Variants in VAV3 observed in about 807,000 individuals in gnomAD.
VAV3 encodes the protein vav guanine nucleotide exchange factor 3.
VAV3 carries 94 observed loss-of-function variants against 131.2 expected under a neutral mutation model. The observed-to-expected ratio is 0.72, with a 90% CI of 0.61 to 0.85. VAV3 has a LOEUF of 0.85. Ranked by LOEUF, VAV3 falls within the 40% of genes least tolerant of loss-of-function variation. The pLI is 0.00. For missense variants in VAV3, 939 were observed against 1,002.7 expected (o/e 0.94, Z 0.86); for synonymous variants, 349 against 342.0 (o/e 1.02, Z -0.22).
chr1:107,615,854 C>T (rs936143756), intron 21 of VAV3, among the ~76,000 whole-genome samples: 2 of 152,048 alleles, frequency 1.3e-5, no homozygotes, highest in Non-Finnish European at 2.9e-5. Context: ...AAAAAATGCT[C>T]AATTTTACTA....
At chr1:107,797,769 A>G (rs918687805) in intron 2 of VAV3, among the ~76,000 whole-genome samples, 1 of 152,148 alleles carries the variant, frequency 6.6e-6, no homozygotes, top group African/African-American at 2.4e-5. Context: ...TACCAAGTTG[A>G]TTTTATTTTT....
chr1:107,662,934 A>G (rs1657128479), intron 19 of VAV3, among the ~76,000 whole-genome samples: 1 of 152,182 alleles, frequency 6.6e-6, no homozygotes, highest in African/African-American at 2.4e-5. Flanking sequence ...TGACCTGCAC[A>G]TCGACTTCTC....
At chr1:107,875,950 C>T (rs1242669174) in intron 1 of VAV3, among the ~76,000 whole-genome samples, 1 of 152,030 alleles carries the variant, frequency 6.6e-6, no homozygotes, top group Non-Finnish European at 1.5e-5. Context: ...ATATGGGAGT[C>T]TTTAGTGTAC....
At chr1:107,841,066 G>A (rs1402252127) in intron 2 of VAV3, among the ~76,000 whole-genome samples, 1 of 152,142 alleles carries the variant, frequency 6.6e-6, no homozygotes, top group Admixed American at 6.6e-5. Context: ...GGGCAGAGTT[G>A]GCCAGTACCA....
intron 1 of VAV3, among the ~76,000 whole-genome samples, chr1:107,958,600 A>T (rs992239540): frequency 1.7e-4 from 25 of 150,924 alleles, no homozygotes; most frequent in African/African-American, 6.2e-4. Context: ...AACAAAAAGA[A>T]GATTTTAAAA....
intron 2 of VAV3, among the ~76,000 whole-genome samples, chr1:107,795,628 T>C (rs746432595): frequency 2.0e-5 from 3 of 152,222 alleles, no homozygotes; most frequent in Non-Finnish European, 4.4e-5. Context: ...AGAGAATACT[T>C]GATAACAACC....
chr1:107,781,496 T>A (rs1665686411), intron 2 of VAV3, among the ~76,000 whole-genome samples: 1 of 152,196 alleles, frequency 6.6e-6, no homozygotes, highest in Non-Finnish European at 1.5e-5. Context: ...AACCAACATG[T>A]TGCACAGATC....
At chr1:107,582,936 G>C (rs957128398) in intron 25 of VAV3, among the ~76,000 whole-genome samples, 25 of 152,008 alleles carry the variant, frequency 1.6e-4, no homozygotes, top group African/African-American at 6.0e-4. Flanking sequence ...CCAGTAATGG[G>C]ATGGCTGGGT....
chr1:107,908,820 AACACACACACACACACACACACACACAC>A (rs59211285), intron 1 of VAV3, among the ~76,000 whole-genome samples: 67 of 129,430 alleles, frequency 5.2e-4, no homozygotes, highest in African/African-American at 1.4e-3. Flanking sequence ...GCCCCACTCA[AACACACACACACACACACACACACACAC>A]ACACACACAC....
At chr1:107,867,563 C>T (rs1173965070) in intron 2 of VAV3, among the ~76,000 whole-genome samples, 1 of 152,132 alleles carries the variant, frequency 6.6e-6, no homozygotes. Flanking sequence ...GTTCCCTCCT[C>T]CTTTGCCTAA....
chr1:107,574,884 C>T (rs1378484870), intron 25 of VAV3, among the ~76,000 whole-genome samples: 1 of 152,064 alleles, frequency 6.6e-6, no homozygotes, highest in Non-Finnish European at 1.5e-5. Flanking sequence ...TACTGCCTTA[C>T]AGAAAAACTT....
intron 15 of VAV3, 102 bp downstream of exon 15, chr1:107,748,866 T>A: frequency 2.2e-6 from 2 of 898,394 alleles, no homozygotes; most frequent in South Asian, 3.6e-5. Flanking sequence ...CTGTACACAT[T>A]ATACATGCTA....
intron 15 of VAV3, among the ~76,000 whole-genome samples, chr1:107,730,945 T>C (rs1258851735): frequency 1.3e-5 from 2 of 152,128 alleles, no homozygotes; most frequent in African/African-American, 2.4e-5. Context: ...AATGAAAAAA[T>C]ACTTAATCTC....
Position 107,768,380 on chromosome 1 carries a change from C to G in VAV3, c.717+61G>C. On this transcript the variant is annotated intron_variant, in intron 7 of 26. Transcript: ENST00000370056. ...TATTAAAATAGGGATCTGGAACCCC[C>G]TAAGGAAATGAAGATTTTATTGAAG... 3.1e-6 allele frequency: 4 copies of G among 1,303,530 alleles called. No homozygotes were observed. The South Asian group carries it at 5.2e-5, about 17-fold the overall frequency. 80.7% of individuals were successfully genotyped at this position (1,303,530 alleles called of 1,614,324 possible).
intron 2 of VAV3, among the ~76,000 whole-genome samples, chr1:107,781,475 T>C (rs1665684875): frequency 1.3e-5 from 2 of 152,216 alleles, no homozygotes; most frequent in South Asian, 4.1e-4. Flanking sequence ...CCACAATGTA[T>C]ACATATTTCA....
intron 15 of VAV3, among the ~76,000 whole-genome samples, chr1:107,731,532 G>A (rs1223302215): frequency 2.0e-5 from 3 of 152,130 alleles, no homozygotes; most frequent in Non-Finnish European, 4.4e-5. Context: ...CCCAAGAAGT[G>A]ATATTAGGAA....
chr1:107,752,152 C>A (rs1194206469), intron 12 of VAV3, among the ~76,000 whole-genome samples: 2 of 152,078 alleles, frequency 1.3e-5, no homozygotes, highest in East Asian at 3.9e-4. Flanking sequence ...GGTATATAGA[C>A]CAACAGAATA....
chr1:107,603,196 A>G, intron 22 of VAV3, 33 bp from the exon 23 acceptor site: 1 of 1,542,052 alleles, frequency 6.5e-7, no homozygotes, highest in Non-Finnish European at 9.0e-7. Context: ...AAATTTGGAT[A>G]ATATACCTGG....
intron 1 of VAV3, among the ~76,000 whole-genome samples, chr1:107,910,744 C>T (rs1474417870): frequency 6.6e-6 from 1 of 152,100 alleles, no homozygotes; most frequent in Non-Finnish European, 1.5e-5. Flanking sequence ...CTTTGGGAGG[C>T]CAAGGCAGGC....
Sources: gnomAD v4.1 joint callset for allele counts (sites outside exome capture counted in the v4.1 genomes callset) on GRCh38, gnomAD v4.1.1 for gene constraint, MANE v1.5 for transcripts, NCBI Gene and HGNC (gene_info 2026-07-23, HGNC 2026-07-21) for gene names.